Variants in DPP10 observed in about 807,000 individuals in gnomAD.
DPP10 encodes the protein inactive dipeptidyl peptidase 10.
A neutral mutation model predicts 120.9 loss-of-function variants in DPP10; 33 were observed. The observed-to-expected ratio is 0.27, with a 90% CI of 0.21 to 0.37. DPP10 has a LOEUF of 0.37. Among genes scored for constraint, DPP10 ranks in the 10% least tolerant of loss-of-function variants. DPP10 has a pLI of 1.00. For synonymous variants in DPP10, 337 were observed against 326.1 expected (o/e 1.03, Z -0.36); for missense variants, 816 against 942.8 (o/e 0.87, Z 1.76).
intron 3 of DPP10, among the ~76,000 whole-genome samples, chr2:115,416,777 C>A (rs2069473239): frequency 6.6e-6 from 1 of 152,164 alleles, no homozygotes; most frequent in Non-Finnish European, 1.5e-5. Context: ...CATTTCTGCA[C>A]ACTGAGAACT....
intron 1 of DPP10, among the ~76,000 whole-genome samples, chr2:115,013,405 T>C (rs1454952530): frequency 6.6e-6 from 1 of 152,102 alleles, no homozygotes; most frequent in African/African-American, 2.4e-5. Context: ...AACCCAGCCT[T>C]TCTCTCTGGT....
chr2:114,963,083 T>A (rs1298953305), intron 1 of DPP10, among the ~76,000 whole-genome samples: 2 of 152,230 alleles, frequency 1.3e-5, no homozygotes, highest in Non-Finnish European at 2.9e-5. Context: ...TTAAGCATAG[T>A]ATTTTTAAAC....
At chr2:114,457,669 T>C (rs1377812944) in intron 1 of DPP10, among the ~76,000 whole-genome samples, 4 of 152,176 alleles carry the variant, frequency 2.6e-5, no homozygotes, top group Non-Finnish European at 5.9e-5. Flanking sequence ...GAAGAACTGA[T>C]ATTTATACCC....
chr2:115,329,978 G>T (rs1303674845), intron 2 of DPP10, among the ~76,000 whole-genome samples: 1 of 152,118 alleles, frequency 6.6e-6, no homozygotes, highest in Non-Finnish European at 1.5e-5. Flanking sequence ...GGGTCAAATG[G>T]TATTTCTAGT....
At chr2:114,866,566 C>T (rs954616818) in intron 1 of DPP10, among the ~76,000 whole-genome samples, 2 of 152,126 alleles carry the variant, frequency 1.3e-5, no homozygotes, top group African/African-American at 4.8e-5. Flanking sequence ...CTCATGATGG[C>T]TCTATGAGGT....
At chr2:115,246,692 ATGT>A (rs757362472) in intron 1 of DPP10, among the ~76,000 whole-genome samples, 9 of 152,068 alleles carry the variant, frequency 5.9e-5, no homozygotes, top group African/African-American at 9.7e-5. Flanking sequence ...ACACACACAG[ATGT>A]TGTTGGGGCG....
chr2:114,960,852 A>G (rs1430063362), intron 1 of DPP10, among the ~76,000 whole-genome samples: 10 of 152,132 alleles, frequency 6.6e-5, no homozygotes, highest in Non-Finnish European at 5.9e-5. Flanking sequence ...GATTCTATAC[A>G]TGGTAGCTGA....
intron 1 of DPP10, among the ~76,000 whole-genome samples, chr2:115,306,858 T>C (rs924732488): frequency 4.6e-5 from 7 of 152,170 alleles, no homozygotes; most frequent in African/African-American, 1.7e-4. Context: ...CAGGATAGCA[T>C]TACTGAATTC....
At chr2:114,522,583 A>G (rs1304373522) in intron 1 of DPP10, among the ~76,000 whole-genome samples, 1 of 152,188 alleles carries the variant, frequency 6.6e-6, no homozygotes, top group Non-Finnish European at 1.5e-5. Context: ...TTTTTCAATA[A>G]TTATATAATC....
At chr2:114,809,722 G>A (rs923181802) in intron 1 of DPP10, among the ~76,000 whole-genome samples, 1 of 152,174 alleles carries the variant, frequency 6.6e-6, no homozygotes, top group Non-Finnish European at 1.5e-5. Flanking sequence ...ACTGAGTGCA[G>A]TGACTCTTTA....
In DPP10 at chr2:115,221,338, A is replaced by G. The variant is rs188286400; in HGVS notation, c.61-87901A>G. Among the ~76,000 whole-genome samples, 738 of 152,214 alleles carry G rather than the reference A, an allele frequency of 4.8e-3. 4 individuals are homozygous for G. The highest frequency in any genetic ancestry group is 0.017 in the African/African-American group (713 of 41,544). ...TCACTTCACTCATTTGTGTTAGCAT[A>G]TGTTCCCTGTAGGAATTCAGGTTTG... On this transcript the variant is annotated intron_variant, in intron 1 of 25. Coordinates refer to ENST00000410059, the MANE Select transcript of DPP10 (RefSeq NM_020868.6).
At position 115,791,313 on chromosome 2, in the gene DPP10, A is replaced by G. The variant is rs201355785; in HGVS notation, c.1657A>G (p.Lys553Glu). 2.4e-5 allele frequency: 38 copies of G among 1,611,834 alleles called. No homozygotes were observed. The highest frequency in any genetic ancestry group is 8.5e-7 in the Non-Finnish European group (1 of 1,179,384). The change falls in exon 19 of 26, where the codon AAA (lysine) becomes GAA (glutamate). Residue 553 changes from lysine to glutamate, a missense_variant. Lys to Glu is a moderately conservative substitution (Grantham distance 56). Transcript: ENST00000410059. ...YELPLQLSLPKDFMDRNQYAL... is the reference protein window; with the variant it reads ...YELPLQLSLPEDFMDRNQYAL... ...ACTTCCTTTACAGTTGTCCCTTCCCAAAGATTTTATGGACCGAAACCAGTA... is the reference window on the plus strand; with the variant it reads ...ACTTCCTTTACAGTTGTCCCTTCCCGAAGATTTTATGGACCGAAACCAGTA...
At chr2:115,228,639 T>A (rs2057569865) in intron 1 of DPP10, among the ~76,000 whole-genome samples, 1 of 152,184 alleles carries the variant, frequency 6.6e-6, no homozygotes, top group Admixed American at 6.6e-5. Context: ...TTTGTCTTTC[T>A]GCACCACACT....
chr2:114,589,015 G>A (rs553166931), intron 1 of DPP10, among the ~76,000 whole-genome samples: 4 of 141,772 alleles, frequency 2.8e-5, no homozygotes, highest in African/African-American at 5.2e-5. Flanking sequence ...TATGCTGTCC[G>A]GTAGAAAGGC....
chr2:115,274,722 C>T (rs1367352540), intron 1 of DPP10, among the ~76,000 whole-genome samples: 2 of 152,096 alleles, frequency 1.3e-5, no homozygotes, highest in African/African-American at 4.8e-5. Flanking sequence ...TGAATTTAAC[C>T]CTGCACATGG....
chr2:114,876,910 G>A (rs1446473861), intron 1 of DPP10, among the ~76,000 whole-genome samples: 1 of 152,056 alleles, frequency 6.6e-6, no homozygotes, highest in East Asian at 1.9e-4. Flanking sequence ...GTACTAAAGT[G>A]TCACGACTTT....
chr2:115,254,729 G>T (rs1035797498), intron 1 of DPP10, among the ~76,000 whole-genome samples: 6 of 152,096 alleles, frequency 3.9e-5, no homozygotes, highest in African/African-American at 1.4e-4. Flanking sequence ...GGGGCTACAG[G>T]CCCCACGCAA....
chr2:115,539,550 C>T (rs2079059055), intron 5 of DPP10, among the ~76,000 whole-genome samples: 1 of 151,872 alleles, frequency 6.6e-6, no homozygotes, highest in African/African-American at 2.4e-5. Context: ...CACTGTTTTC[C>T]ATTAATCCAA....
At chr2:114,474,399 C>T (rs185462975) in intron 1 of DPP10, among the ~76,000 whole-genome samples, 102 of 152,340 alleles carry the variant, frequency 6.7e-4, no homozygotes, top group African/African-American at 2.3e-3. Flanking sequence ...ACCACACTGG[C>T]CCTTCTTCTT....
Sources: gnomAD v4.1 joint callset for allele counts (sites outside exome capture counted in the v4.1 genomes callset) on GRCh38, gnomAD v4.1.1 for gene constraint, MANE v1.5 for transcripts, NCBI Gene and HGNC (gene_info 2026-07-23, HGNC 2026-07-21) for gene names.